Variants in RARB observed in about 807,000 individuals in gnomAD.
The protein encoded by RARB is retinoic acid receptor beta.
In RARB, 17 loss-of-function variants were observed where a neutral mutation model predicts 51.9. The observed-to-expected ratio is 0.33, with a 90% CI of 0.22 to 0.49. The LOEUF (loss-of-function observed/expected upper bound fraction) is 0.49, where lower values mean the gene tolerates loss of function less well. RARB is among the 20% of genes least tolerant of loss of function. The pLI is 0.99. For missense variants in RARB, 369 were observed against 550.8 expected, an observed-to-expected ratio of 0.67 and a Z score of 3.30; for synonymous variants, 215 against 195.4, an observed-to-expected ratio of 1.10 and a Z score of -0.84.
chr3:24,982,427 A>C (rs1386317228), intron 2 of RARB, among the ~76,000 whole-genome samples: 1 of 152,188 alleles, frequency 6.6e-6, no homozygotes, highest in East Asian at 1.9e-4. Flanking sequence ...CTAAACTTTC[A>C]GACTGTCCTT....
chr3:25,436,948 T>C (rs1708459895), intron 1 of RARB, among the ~76,000 whole-genome samples: 1 of 152,122 alleles, frequency 6.6e-6, no homozygotes, highest in Admixed American at 6.5e-5. Context: ...TTTCTACAGC[T>C]ATGAAATGGG....
chr3:25,051,369 G>T (rs1392612774), intron 2 of RARB, among the ~76,000 whole-genome samples: 1 of 151,834 alleles, frequency 6.6e-6, no homozygotes. Context: ...TATAAGGAAA[G>T]AAAGAAAAAA....
At chr3:25,224,024 A>G (rs911188385) in intron 5 of RARB, among the ~76,000 whole-genome samples, 2 of 152,232 alleles carry the variant, frequency 1.3e-5, no homozygotes, top group Non-Finnish European at 2.9e-5. Context: ...TAATCAAGAA[A>G]TGGTACACTT....
At chr3:24,909,833 T>C (rs1694949992) in intron 2 of RARB, among the ~76,000 whole-genome samples, 1 of 152,160 alleles carries the variant, frequency 6.6e-6, no homozygotes, top group Admixed American at 6.6e-5. Context: ...GTGTAGGGCA[T>C]AGAATTTTAA....
intron 3 of RARB, among the ~76,000 whole-genome samples, chr3:25,062,941 T>G (rs1559452214): frequency 6.6e-6 from 1 of 152,030 alleles, no homozygotes; most frequent in Non-Finnish European, 1.5e-5. Flanking sequence ...TCTCAAAGGT[T>G]TTTTTAAATG....
chr3:25,424,390 C>T (rs1021307129), upstream of RARB, among the ~76,000 whole-genome samples: 1 of 152,182 alleles, frequency 6.6e-6, no homozygotes, highest in Non-Finnish European at 1.5e-5. Flanking sequence ...AACACAAAAG[C>T]AGCTCTGCCT....
chr3:25,367,641 A>G (rs1706163564), intron 5 of RARB, among the ~76,000 whole-genome samples: 2 of 124,610 alleles, frequency 1.6e-5, no homozygotes, highest in Non-Finnish European at 1.6e-5. Context: ...CATGGTAAAA[A>G]CCCATCTCTA....
rs781198504 is a variant in RARB, at chr3:25,569,894, C to T, written c.585C>T (p.Leu195=). 6 of 1,614,178 alleles carry T rather than the reference C, an allele frequency of 3.7e-6. No individual in the cohort carries two copies. The South Asian group carries it at 6.6e-5, about 18-fold the overall frequency. ...RKAHQETFPS[L]CQLGKYTTNS... ...CTCACCAGGAAACTTTCCCTTCACT[C>T]TGCCAGCTGGGTAAATACACCACGG... Residue 195 remains leucine (L), a synonymous_variant, in exon 4 of 8, where the codon CTC becomes CTT. Transcript: ENST00000330688.
At chr3:25,201,515 C>G (rs934146920) in intron 5 of RARB, among the ~76,000 whole-genome samples, 5 of 152,140 alleles carry the variant, frequency 3.3e-5, no homozygotes, top group African/African-American at 1.2e-4. Flanking sequence ...TGCCAGTTTT[C>G]AAAGGGAATG....
At chr3:25,313,021 A>G (rs1704327617) in intron 5 of RARB, among the ~76,000 whole-genome samples, 1 of 152,152 alleles carries the variant, frequency 6.6e-6, no homozygotes, top group Admixed American at 6.5e-5. Flanking sequence ...GGCTCTATCC[A>G]CTTCTAGCCA....
chr3:24,869,454 A>G (rs1031862677), intron 2 of RARB, among the ~76,000 whole-genome samples: 1 of 152,182 alleles, frequency 6.6e-6, no homozygotes, highest in African/African-American at 2.4e-5. Flanking sequence ...CAATAATTAT[A>G]ACAAGCTTGA....
chr3:24,909,819 G>C (rs761953827), intron 2 of RARB, among the ~76,000 whole-genome samples: 21 of 152,052 alleles, frequency 1.4e-4, no homozygotes, highest in Non-Finnish European at 2.5e-4. Flanking sequence ...TTTGATGTCT[G>C]ATTGTGTAGG....
At chr3:25,297,895 T>C (rs796749540) in intron 5 of RARB, among the ~76,000 whole-genome samples, 11 of 152,312 alleles carry the variant, frequency 7.2e-5, no homozygotes, top group African/African-American at 2.4e-4. Context: ...TTTTAATGCC[T>C]GGTGGGGTGA....
chr3:25,501,118 G>A (rs1163084728), intron 2 of RARB, 64 bp from the exon 3 acceptor site: 10 of 1,510,972 alleles, frequency 6.6e-6, no homozygotes, highest in Non-Finnish European at 8.8e-6. Context: ...GATAAGGTTG[G>A]CTTTGATTTC....
At chr3:24,881,457 A>G (rs1008091783) in intron 2 of RARB, among the ~76,000 whole-genome samples, 2 of 152,224 alleles carry the variant, frequency 1.3e-5, no homozygotes, top group Non-Finnish European at 2.9e-5. Context: ...CTTTTTAAAA[A>G]TGAAGGACAA....
intron 1 of RARB, among the ~76,000 whole-genome samples, chr3:24,839,074 A>G (rs1312084666): frequency 3.3e-5 from 5 of 152,134 alleles, no homozygotes; most frequent in Non-Finnish European, 7.3e-5. Context: ...ATATTTGAGT[A>G]AAAAAGTATT....
chr3:25,564,927 C>T (rs756986627), intron 3 of RARB, among the ~76,000 whole-genome samples: 1 of 152,142 alleles, frequency 6.6e-6, no homozygotes. Context: ...CCCAGGCAGC[C>T]TTGGAGCTGA....
At chr3:24,902,751 T>C (rs960592664) in intron 2 of RARB, among the ~76,000 whole-genome samples, 1 of 152,170 alleles carries the variant, frequency 6.6e-6, no homozygotes, top group African/African-American at 2.4e-5. Flanking sequence ...AATGTTTCAT[T>C]TTACCTTTCT....
intron 2 of RARB, among the ~76,000 whole-genome samples, chr3:24,936,030 G>A (rs1695541366): frequency 6.6e-6 from 1 of 152,114 alleles, no homozygotes; most frequent in South Asian, 2.1e-4. Context: ...TTTACTGTTT[G>A]AAAATAGTGT....
Sources: gnomAD v4.1 joint callset for allele counts (sites outside exome capture counted in the v4.1 genomes callset) on GRCh38, gnomAD v4.1.1 for gene constraint, MANE v1.5 for transcripts, NCBI Gene and HGNC (gene_info 2026-07-23, HGNC 2026-07-21) for gene names.